Variants in KRCC1 observed in about 807,000 individuals in gnomAD.
The protein encoded by KRCC1 is lysine-rich coiled-coil protein 1.
KRCC1 carries 3 observed loss-of-function variants against 7.4 expected under a neutral mutation model. The ratio of observed to expected loss-of-function variants is 0.40; its 90% CI spans 0.18 to 1.04. The LOEUF is 1.04. Ranked by LOEUF, KRCC1 falls within the 50% of genes least tolerant of loss-of-function variation. KRCC1 has a pLI of 0.33. For synonymous variants in KRCC1, 102 were observed against 101.6 expected (o/e 1.00, Z -0.02); for missense variants, 277 against 300.9 (o/e 0.92, Z 0.59).
intron 1 of KRCC1, among the ~76,000 whole-genome samples, chr2:88,048,537 G>A (rs764823004): frequency 1.3e-5 from 2 of 152,122 alleles, no homozygotes; most frequent in African/African-American, 4.8e-5. Context: ...TACATATATA[G>A]AACTTGTACT....
At chr2:88,047,907 A>G (rs751259761) in intron 1 of KRCC1, among the ~76,000 whole-genome samples, 1 of 152,146 alleles carries the variant, frequency 6.6e-6, no homozygotes, top group Non-Finnish European at 1.5e-5. Flanking sequence ...TTAGGATGCT[A>G]ATTTGGTTAT....
intron 1 of KRCC1, among the ~76,000 whole-genome samples, chr2:88,047,201 C>A (rs1673355730): frequency 6.6e-6 from 1 of 152,168 alleles, no homozygotes; most frequent in Admixed American, 6.5e-5. Context: ...CTGAATTTAA[C>A]TTTTTGAACA....
chr2:88,032,673 T>C (rs1673017357), intron 3 of KRCC1, among the ~76,000 whole-genome samples: 1 of 152,186 alleles, frequency 6.6e-6, no homozygotes, highest in African/African-American at 2.4e-5. Flanking sequence ...AACAGGTGAA[T>C]GGATTAAATC....
At chr2:88,030,113 G>T (rs926487304) in intron 3 of KRCC1, among the ~76,000 whole-genome samples, 1 of 150,800 alleles carries the variant, frequency 6.6e-6, no homozygotes, top group African/African-American at 2.4e-5. Context: ...CTCCCAAAGT[G>T]CTGGGATTAC....
intron 3 of KRCC1, 34 bp from the exon 4 acceptor site, chr2:88,028,619 T>C: frequency 8.7e-7 from 1 of 1,151,080 alleles, no homozygotes; most frequent in Non-Finnish European, 1.2e-6. Flanking sequence ...TACCAGATCA[T>C]CTTGTCCTGA....
At chr2:88,030,750 A>C (rs1672976417) in intron 3 of KRCC1, among the ~76,000 whole-genome samples, 1 of 152,228 alleles carries the variant, frequency 6.6e-6, no homozygotes, top group African/African-American at 2.4e-5. Context: ...TAAGAAGTTA[A>C]ACATACATTT....
At chr2:88,035,104 A>T (rs1380108495) in intron 2 of KRCC1, among the ~76,000 whole-genome samples, 1 of 152,182 alleles carries the variant, frequency 6.6e-6, no homozygotes, top group African/African-American at 2.4e-5. Context: ...TCTGAACTAA[A>T]AGTTTACGAA....
chr2:88,043,475 T>A (rs1355579189), intron 1 of KRCC1, among the ~76,000 whole-genome samples: 1 of 152,234 alleles, frequency 6.6e-6, no homozygotes, highest in Admixed American at 6.5e-5. Context: ...TCCTGCAACA[T>A]TCTTTTGATT....
chr2:88,029,263 T>C (rs1012741729), intron 3 of KRCC1, among the ~76,000 whole-genome samples: 8 of 152,192 alleles, frequency 5.3e-5, no homozygotes, highest in African/African-American at 1.9e-4. Context: ...TTCTCATGAA[T>C]TGGTTTCCTG....
chr2:88,040,580 T>C (rs1282620075), intron 1 of KRCC1, among the ~76,000 whole-genome samples: 7 of 152,222 alleles, frequency 4.6e-5, no homozygotes. Flanking sequence ...TATTGGGATT[T>C]AAAGAAATTA....
rs60603649 is a variant in KRCC1, at chr2:88,028,664, T to TTTC, written c.-22-80_-22-79insGAA. 5.2e-4 allele frequency: 381 copies of TTTC among 737,178 alleles called. 7 individuals are homozygous for TTTC. Among genetic ancestry groups the TTTC allele is most frequent in the Non-Finnish European group, 7.1e-4 (337 of 474,470 alleles). 45.7% of individuals were successfully genotyped at this position (737,178 alleles called of 1,614,324 possible). ...TTGCTCTTTTTTTTTTTTTTTTTTT[T>TTTC]CTTGAGATGGCGTCTCGCCCTGTCG... is the stretch of plus-strand genomic sequence containing the variant. On this transcript the variant is annotated intron_variant, in intron 3 of 3. Transcript: ENST00000347055.
At chr2:88,040,326 A>AT (rs1357351447) in intron 1 of KRCC1, among the ~76,000 whole-genome samples, 5 of 152,122 alleles carry the variant, frequency 3.3e-5, no homozygotes. Context: ...GCTTTATAAT[A>AT]TTTTCAAAGC....
intron 2 of KRCC1, among the ~76,000 whole-genome samples, chr2:88,034,553 C>T (rs1382748799): frequency 6.6e-6 from 1 of 152,014 alleles, no homozygotes; most frequent in Non-Finnish European, 1.5e-5. Flanking sequence ...TAGTTCAGTA[C>T]ATGTATATAG....
chr2:88,051,096 A>AT (rs557946792), intron 1 of KRCC1, among the ~76,000 whole-genome samples: 10,100 of 143,176 alleles, frequency 0.071, 502 homozygotes, highest in African/African-American at 0.15. Context: ...GCTAATTTTT[A>AT]TTTTTTTTTT....
intron 1 of KRCC1, among the ~76,000 whole-genome samples, chr2:88,048,526 T>G (rs1004831249): frequency 6.6e-6 from 1 of 152,236 alleles, no homozygotes; most frequent in Non-Finnish European, 1.5e-5. Flanking sequence ...ATACTATTGA[T>G]TACATATATA....
chr2:88,028,243 C>T lies in KRCC1; in HGVS notation c.321G>A (p.Thr107=), dbSNP rs75456373. Residue 107 remains threonine (T), a synonymous_variant, in exon 4 of 4, where the codon ACG becomes ACA. Transcript: ENST00000347055. ...CTGGTTTTTCTGAGAAACAGTCCCTCGTGAACTGACAGTAGCTCAGAGAGT... is the reference window on the plus strand; with the variant it reads ...CTGGTTTTTCTGAGAAACAGTCCCTTGTGAACTGACAGTAGCTCAGAGAGT... ...RLDSLSYCQF[T]RDCFSEKPVP... 1.8e-5 allele frequency: 29 copies of T among 1,614,178 alleles called. No homozygotes were observed. The highest frequency in any genetic ancestry group is 1.2e-4 in the African/African-American group (9 of 75,040).
intron 1 of KRCC1, among the ~76,000 whole-genome samples, chr2:88,047,242 ATTATTTAT>A (rs537228686): frequency 1.3e-5 from 2 of 152,086 alleles, no homozygotes; most frequent in East Asian, 1.9e-4. Context: ...TTGACGCTGA[ATTATTTAT>A]TTATTTATTT....
intron 1 of KRCC1, among the ~76,000 whole-genome samples, chr2:88,046,255 T>A (rs1295810151): frequency 1.3e-5 from 2 of 152,198 alleles, no homozygotes; most frequent in Non-Finnish European, 2.9e-5. Context: ...CTGCCACTTA[T>A]TAAGTTATGT....
intron 1 of KRCC1, among the ~76,000 whole-genome samples, chr2:88,047,203 T>C (rs1231654502): frequency 6.6e-6 from 1 of 152,202 alleles, no homozygotes; most frequent in Non-Finnish European, 1.5e-5. Flanking sequence ...GAATTTAACT[T>C]TTTGAACATG....
Sources: allele counts gnomAD v4.1 joint callset (sites outside exome capture counted in the v4.1 genomes callset), GRCh38; gene constraint gnomAD v4.1.1; transcripts MANE v1.5; gene names NCBI Gene and HGNC (gene_info 2026-07-23, HGNC 2026-07-21).